Variants in NLRC4 observed in about 807,000 individuals in gnomAD.
NLRC4 encodes NLR family CARD domain-containing protein 4.
Under a neutral mutation model 79.9 loss-of-function variants are expected in NLRC4, and 63 were observed. The ratio of observed to expected loss-of-function variants is 0.79; its 90% CI spans 0.64 to 0.97. The LOEUF is 0.97. Ranked by LOEUF, NLRC4 falls within the 50% of genes least tolerant of loss-of-function variation. NLRC4 has a pLI of 0.00. For missense variants in NLRC4, 1,074 were observed against 1,215.2 expected (o/e 0.88, Z 1.73); for synonymous variants, 461 against 456.5 (o/e 1.01, Z -0.12).
intron 4 of NLRC4, among the ~76,000 whole-genome samples, chr2:32,244,554 A>G (rs1686885281): frequency 6.6e-6 from 1 of 151,992 alleles, no homozygotes; most frequent in Non-Finnish European, 1.5e-5. Context: ...CAAAAAAAAA[A>G]AATAAATAAA....
intron 1 of NLRC4, among the ~76,000 whole-genome samples, chr2:32,263,696 C>T (rs759399363): frequency 1.5e-4 from 23 of 152,198 alleles, no homozygotes; most frequent in Non-Finnish European, 2.9e-4. Context: ...GGGGAGAAGC[C>T]AACCCTGCTG....
At position 32,251,500 on chromosome 2, in the gene NLRC4, C is replaced by T; in HGVS notation, c.364G>A (p.Glu122Lys). 1 of 1,614,066 alleles carries T rather than the reference C, an allele frequency of 6.2e-7. No individual in the cohort carries two copies. The highest frequency in any genetic ancestry group is 8.5e-7 in the Non-Finnish European group (1 of 1,179,946). Residue 122 changes from glutamate to lysine, a missense_variant, in exon 4 of 9, where the codon GAA becomes AAA. Physicochemically the swap from Glu to Lys is moderately conservative, Grantham distance 56 (BLOSUM62 1). Transcript: ENST00000402280. ...PSFLNFYPLGEDIDIIFNLKS... is the reference protein window; with the variant it reads ...PSFLNFYPLGKDIDIIFNLKS... ...AAGTTAAAAATAATGTCAATATCTTCACCAAGGGGATAAAAGTTCAGAAAA... is the reference window on the plus strand; with the variant it reads ...AAGTTAAAAATAATGTCAATATCTTTACCAAGGGGATAAAAGTTCAGAAAA...
chr2:32,240,747 T>C (rs1209859039), intron 5 of NLRC4, among the ~76,000 whole-genome samples: 22 of 152,186 alleles, frequency 1.4e-4, no homozygotes. Flanking sequence ...AAATATTGTT[T>C]CTATGCATTA....
intron 6 of NLRC4, among the ~76,000 whole-genome samples, chr2:32,237,334 G>A (rs2148934676): frequency 6.6e-6 from 1 of 152,220 alleles, no homozygotes; most frequent in East Asian, 1.9e-4. Context: ...TAAAAAACCT[G>A]CTGAACTTCT....
Position 32,250,760 on chromosome 2 carries a change from A to G in NLRC4, c.1104T>C (p.Asp368=). ...TQTTLFHTFY[D]LLIQKNKHKH... ...TGTGTTTGTTTTTCTGTATCAACAG[A>G]TCATAGAAGGTATGGAACAGCGTTG... is the stretch of plus-strand genomic sequence containing the variant. Residue 368 remains aspartate, a synonymous_variant, in exon 4 of 9, where the codon GAT becomes GAC. Coordinates refer to ENST00000402280, the MANE Select transcript of NLRC4 (RefSeq NM_001199138.2). The surrounding 1 kb of genome is among the most constrained non-coding windows in gnomAD (Gnocchi z 4.9). 6.2e-7 allele frequency: 1 copy of G among 1,614,214 alleles called. No homozygotes were observed. The highest frequency in any genetic ancestry group is 1.7e-5 in the Admixed American group (1 of 60,020).
Position 32,251,245 on chromosome 2 carries a change from T to A in NLRC4, c.619A>T (p.Arg207Trp). Residue 207 changes from arginine (R) to tryptophan (W), a missense_variant, in exon 4 of 9, where the codon AGG becomes TGG. Arg to Trp is a moderately radical substitution (Grantham distance 101). Coordinates refer to ENST00000402280, the MANE Select transcript of NLRC4 (RefSeq NM_001199138.2). ...FKFVFFLRLS[R>W]AQGGLFETLC... is the part of the protein sequence containing the mutation. ...GTTTCAAAAAGTCCACCCTGGGCCC[T>A]GCTGAGACGGAGGAAGAAGACGAAT... is the stretch of plus-strand genomic sequence containing the variant. 1 of 1,614,142 alleles carries A rather than the reference T, an allele frequency of 6.2e-7. No homozygotes were observed.
chr2:32,236,181 C>T (rs1686667999), intron 7 of NLRC4, 66 bp downstream of exon 7: 1 of 964,140 alleles, frequency 1.0e-6, no homozygotes, highest in Non-Finnish European at 1.6e-6. Flanking sequence ...AGGACCCAGG[C>T]TATGTATTTC....
In NLRC4 at chr2:32,257,612, GA is replaced by G. The variant is rs144558409; in HGVS notation, c.-118-720del. Among the ~76,000 whole-genome samples, 666 of 122,238 alleles carry G rather than the reference GA, an allele frequency of 5.4e-3. 5 individuals carry two copies. The highest frequency in any genetic ancestry group is 0.019 in the Middle Eastern group (4 of 210). The allele number at this position is 122,238 out of a possible 152,430, so 80.2% of individuals were successfully genotyped here. On this transcript the variant is annotated intron_variant, in intron 1 of 8. Coordinates refer to ENST00000402280, the MANE Select transcript of NLRC4 (RefSeq NM_001199138.2). ...ACAGAGCGAGACTCTGCCTCAAAAA[GA>G]AAAAAAAAAAAAAAAAAGGATAAGT... is the stretch of plus-strand genomic sequence containing the variant.
chr2:32,231,297 G>C (rs1054066800), intron 8 of NLRC4, among the ~76,000 whole-genome samples: 6 of 152,010 alleles, frequency 3.9e-5, no homozygotes, highest in African/African-American at 1.4e-4. Context: ...TGGGATTACA[G>C]GTATGTGCCA....
At chr2:32,262,925 A>T (rs1463739200) in intron 1 of NLRC4, among the ~76,000 whole-genome samples, 1 of 151,140 alleles carries the variant, frequency 6.6e-6, no homozygotes, top group African/African-American at 2.4e-5. Context: ...GGAAAATAAT[A>T]TAATAATATA....
At chr2:32,253,060 G>A (rs530030273) in intron 2 of NLRC4, among the ~76,000 whole-genome samples, 1 of 152,262 alleles carries the variant, frequency 6.6e-6, no homozygotes, top group African/African-American at 2.4e-5. Context: ...TGTCTCCAGA[G>A]CATTAGGGCC....
chr2:32,225,527 C>A (rs1686367021), intron 8 of NLRC4, among the ~76,000 whole-genome samples: 1 of 151,878 alleles, frequency 6.6e-6, no homozygotes, highest in Non-Finnish European at 1.5e-5. Flanking sequence ...GTGAGTCTTG[C>A]AATAAGAAAA....
chr2:32,244,504 A>G (rs1370911664), intron 4 of NLRC4, among the ~76,000 whole-genome samples: 1 of 152,160 alleles, frequency 6.6e-6, no homozygotes, highest in African/African-American at 2.4e-5. Context: ...TCATGTCACT[A>G]TTCAACATTG....
intron 4 of NLRC4, among the ~76,000 whole-genome samples, chr2:32,244,719 A>C (rs1251261813): frequency 6.6e-6 from 1 of 152,030 alleles, no homozygotes; most frequent in Admixed American, 6.6e-5. Context: ...TGGCTCATAC[A>C]TATAATCCTA....
intron 2 of NLRC4, among the ~76,000 whole-genome samples, chr2:32,255,393 G>A (rs1687182396): frequency 1.3e-5 from 2 of 151,916 alleles, no homozygotes; most frequent in African/African-American, 4.8e-5. Flanking sequence ...GGTGGCACAT[G>A]CCTGTAATCC....
At chr2:32,238,075 A>C (rs1236364217) in intron 6 of NLRC4, 57 bp downstream of exon 6, 10 of 1,278,118 alleles carry the variant, frequency 7.8e-6, no homozygotes, top group Non-Finnish European at 1.1e-5. Context: ...AATTAGTATA[A>C]TAGTATCACA....
chr2:32,225,973 T>A (rs1218163502), intron 8 of NLRC4, among the ~76,000 whole-genome samples: 1 of 152,238 alleles, frequency 6.6e-6, no homozygotes, highest in African/African-American at 2.4e-5. Context: ...TGATTCAGTT[T>A]GGATTCCAAG....
intron 4 of NLRC4, among the ~76,000 whole-genome samples, chr2:32,242,491 G>A (rs533004804): frequency 2.0e-5 from 3 of 152,268 alleles, no homozygotes; most frequent in African/African-American, 7.2e-5. Flanking sequence ...TAACCTTATA[G>A]CTATTAAAGA....
At chr2:32,235,622 A>C in intron 7 of NLRC4, 54 bp from the exon 8 acceptor site, 1 of 1,451,226 alleles carries the variant, frequency 6.9e-7, no homozygotes, top group Non-Finnish European at 9.6e-7. Context: ...ACTGAGGAAG[A>C]ACAAAGGGGT....
Sources: gnomAD v4.1 joint callset for allele counts (sites outside exome capture counted in the v4.1 genomes callset) on GRCh38, gnomAD v4.1.1 for gene constraint, Gnocchi (gnomAD v3.1) non-coding constraint, MANE v1.5 for transcripts, NCBI Gene and HGNC (gene_info 2026-07-23, HGNC 2026-07-21) for gene names.